The following INVS variants were observed in gnomAD, a reference collection of about 807,000 sequenced individuals.
The protein encoded by INVS is inversion of embryo turning homolog.
Under a neutral mutation model 108.8 loss-of-function variants are expected in INVS, and 86 were observed. The observed-to-expected ratio is 0.79, with a 90% confidence interval of 0.66 to 0.95. INVS has a LOEUF of 0.95. INVS is among the 40% of genes least tolerant of loss of function. The probability of loss-of-function intolerance (pLI) is 0.00; values close to 1 mark genes in which losing one functional copy is unlikely to be tolerated. For synonymous variants in INVS, 455 were observed against 473.5 expected (o/e 0.96, Z 0.51); for missense variants, 1,169 against 1,297.4 (o/e 0.90, Z 1.52).
rs113573382 is a variant in INVS at position 100,271,070 on chromosome 9, A to G, written c.1572-1794A>G. On this transcript the variant is annotated intron_variant, in intron 11 of 16. Transcript: ENST00000262457. ...CAAAACAGTGATGTATATACACTGTACAAAATTTAAAAGGATGTTCACTGA... is the reference window on the plus strand; with the variant it reads ...CAAAACAGTGATGTATATACACTGTGCAAAATTTAAAAGGATGTTCACTGA... Among the ~76,000 whole-genome samples the G allele has an allele frequency of 5.6e-3, 858 of 152,342 alleles. 10 individuals are homozygous for G. Among genetic ancestry groups the G allele is most frequent in the African/African-American group, 0.019 (790 of 41,578 alleles).
chr9:100,172,393 C>T (rs543293740), intron 3 of INVS, among the ~76,000 whole-genome samples: 7 of 152,236 alleles, frequency 4.6e-5, no homozygotes, highest in African/African-American at 1.4e-4. Flanking sequence ...AGTCAGAATT[C>T]GTTCTGGATA....
At position 100,265,952 on chromosome 9, in the gene INVS, G is replaced by A. The variant is rs1264660948; in HGVS notation, c.1571+1024G>A. 6.6e-5 allele frequency among the ~76,000 whole-genome samples: 10 copies of A among 152,286 alleles called. 1 individual carries two copies. In the South Asian group the frequency reaches 1.5e-3, roughly 22 times the overall value. ...AAGTTAGCTGGGCATGGTGGTACAT[G>A]CCTGTAATCCCAACTACTCAGGAGG... On this transcript the variant is annotated intron_variant, in intron 11 of 16. Transcript: ENST00000262457.
At chr9:100,199,296 A>G (rs914601571) in intron 3 of INVS, among the ~76,000 whole-genome samples, 2 of 152,150 alleles carry the variant, frequency 1.3e-5, no homozygotes, top group African/African-American at 4.8e-5. Context: ...CAACATAAGC[A>G]TCTCTTATAG....
At chr9:100,100,668 ATATG>A (rs1180780791) in intron 1 of INVS, among the ~76,000 whole-genome samples, 2 of 46,716 alleles carry the variant, frequency 4.3e-5, no homozygotes, top group Non-Finnish European at 6.8e-5. Context: ...TATATATTAT[ATATG>A]TACATATAAT....
At chr9:100,285,723 G>A (rs1181739089) in intron 13 of INVS, among the ~76,000 whole-genome samples, 1 of 152,206 alleles carries the variant, frequency 6.6e-6, no homozygotes, top group Non-Finnish European at 1.5e-5. Flanking sequence ...ACAATCTTTT[G>A]TTGACAAAGA....
At chr9:100,158,284 A>G (rs1829065910) in intron 3 of INVS, among the ~76,000 whole-genome samples, 1 of 152,176 alleles carries the variant, frequency 6.6e-6, no homozygotes, top group Non-Finnish European at 1.5e-5. Context: ...TATTGATTTG[A>G]TTGGTAATGC....
At chr9:100,212,642 C>CG (rs951740092) in intron 3 of INVS, among the ~76,000 whole-genome samples, 10 of 152,110 alleles carry the variant, frequency 6.6e-5, no homozygotes, top group African/African-American at 2.4e-4. Context: ...GTAACACCCT[C>CG]TATCTGGTAG....
intron 3 of INVS, among the ~76,000 whole-genome samples, chr9:100,174,165 A>T (rs1829634620): frequency 6.6e-6 from 1 of 152,250 alleles, no homozygotes; most frequent in Admixed American, 6.5e-5. Context: ...TAATGAGCAG[A>T]CAAGGAATTT....
chr9:100,267,421 A>G (rs2806694), intron 11 of INVS, among the ~76,000 whole-genome samples: 47,208 of 152,138 alleles, frequency 0.31, 8,476 homozygotes, highest in Non-Finnish European at 0.42. Context: ...GTTTATTGAC[A>G]TTCCAGTTTA....
intron 2 of INVS, chr9:100,117,232 G>T: frequency 2.3e-6 from 2 of 877,824 alleles, no homozygotes; most frequent in African/African-American, 1.6e-5. Context: ...CGACGTGGCC[G>T]TTGTAGTCCC....
chr9:100,258,875 TGAG>T (rs2118597087), intron 10 of INVS, among the ~76,000 whole-genome samples: 2 of 152,336 alleles, frequency 1.3e-5, no homozygotes, highest in South Asian at 4.1e-4. Flanking sequence ...GGGACCCACT[TGAG>T]GAGGTAGTCT....
chr9:100,292,201 C>G (rs1205988662), intron 13 of INVS, 125 bp from the exon 14 acceptor site: 8 of 882,672 alleles, frequency 9.1e-6, no homozygotes, highest in African/African-American at 3.3e-5. Context: ...CGTTTTTTTC[C>G]TAGTCTGTAA....
At chr9:100,185,724 C>T (rs1290241520) in intron 3 of INVS, among the ~76,000 whole-genome samples, 2 of 151,864 alleles carry the variant, frequency 1.3e-5, no homozygotes, top group South Asian at 2.1e-4. Flanking sequence ...CTTTCTGAGT[C>T]CCCAAAGTAC....
Position 100,264,839 on chromosome 9 carries a change from T to C in INVS, c.1482T>C (p.His494=), listed in dbSNP as rs577839314. 6.8e-5 allele frequency: 109 copies of C among 1,613,238 alleles called. 1 individual carries two copies. In the South Asian group the frequency reaches 1.1e-3, roughly 16 times the overall value. ...IQDKEGRTAL[H]WSCNNGYLDA... ...GCTTATAGGGAAGAACAGCTTTGCA[T>C]TGGTCCTGCAACAATGGATACCTTG... Residue 494 remains histidine, a synonymous_variant, in exon 11 of 17, where the codon CAT becomes CAC. Transcript: ENST00000262457.
chr9:100,253,239 C>G (rs1832298765), intron 10 of INVS, 103 bp downstream of exon 10: 1 of 847,392 alleles, frequency 1.2e-6, no homozygotes. Context: ...ATGAAGAGAT[C>G]ACCCACAAAT....
chr9:100,260,743 G>T (rs764315004), intron 10 of INVS, among the ~76,000 whole-genome samples: 1 of 152,050 alleles, frequency 6.6e-6, no homozygotes, highest in African/African-American at 2.4e-5. Flanking sequence ...GGGGAAGCTT[G>T]GGGGGAGATT....
At chr9:100,202,101 T>TC (rs1043815358) in intron 3 of INVS, among the ~76,000 whole-genome samples, 6 of 152,086 alleles carry the variant, frequency 3.9e-5, no homozygotes, top group African/African-American at 1.4e-4. Context: ...AGTTTTTTTT[T>TC]TTTTATTTTG....
At chr9:100,209,089 A>G (rs1830757278) in intron 3 of INVS, among the ~76,000 whole-genome samples, 1 of 152,176 alleles carries the variant, frequency 6.6e-6, no homozygotes, top group Non-Finnish European at 1.5e-5. Flanking sequence ...CTGCCTCCCC[A>G]TGGAGTAGCA....
intron 3 of INVS, chr9:100,130,571 G>T (rs1235974909): frequency 6.6e-6 from 1 of 152,126 alleles, no homozygotes; most frequent in Non-Finnish European, 1.5e-5. Context: ...ATAGATGGAT[G>T]CTCTCAGTAC....
Sources: allele counts gnomAD v4.1 joint callset (sites outside exome capture counted in the v4.1 genomes callset), GRCh38; gene constraint gnomAD v4.1.1; transcripts MANE v1.5; gene names NCBI Gene and HGNC (gene_info 2026-07-23, HGNC 2026-07-21).